The following HSPG2 variants were observed in gnomAD, a reference collection of about 807,000 sequenced individuals.
HSPG2 encodes heparan sulfate proteoglycan 2, also known as basement membrane-specific heparan sulfate proteoglycan core protein.
Under a neutral mutation model 526.6 loss-of-function variants are expected in HSPG2, and 278 were observed. That is an observed-to-expected ratio of 0.53 (90% confidence interval 0.48 to 0.58). The LOEUF is 0.58. Ranked by LOEUF, HSPG2 falls within the 20% of genes least tolerant of loss-of-function variation. The pLI, the probability that HSPG2 is intolerant of heterozygous loss-of-function variation, is 0.00. For missense variants in HSPG2, 5,354 were observed against 6,099.5 expected, an observed-to-expected ratio of 0.88 and a Z score of 4.07; for synonymous variants, 2,465 against 2,555.4, an observed-to-expected ratio of 0.96 and a Z score of 1.07.
Position 21,848,010 on chromosome 1 carries a change from G to C in HSPG2, c.7821C>G (p.Gly2607=), listed in dbSNP as rs1381638965. 4 of 1,613,386 alleles carry C rather than the reference G, an allele frequency of 2.5e-6. No individual in the cohort carries two copies. The highest frequency in any genetic ancestry group is 3.4e-6 in the Non-Finnish European group (4 of 1,179,990). The change falls in exon 60 of 97, where the codon GGC becomes GGG. Residue 2607 remains glycine (G), a synonymous_variant. Coordinates refer to ENST00000374695, the MANE Select transcript of HSPG2 (RefSeq NM_005529.7). The surrounding 1 kb of genome is among the most constrained non-coding windows in gnomAD (Gnocchi z 4.9). ...TGACGATGAGCGAGGTCTCCCGGGA[G>C]CCTGCACCGTTACTGACGTGACACA... ...EYVCHVSNGA[G]SRETSLIVTI...
rs60801691 is a variant in HSPG2 at position 21,853,751 on chromosome 1, AAAAATAAAATAAAATAAAATAAAAT to A, written c.6439+417_6439+441del. 103 of 148,424 alleles carry A rather than the reference AAAAATAAAATAAAATAAAATAAAAT, an allele frequency of 6.9e-4. 1 individual carries two copies. The highest frequency in any genetic ancestry group is 2.7e-3 in the African/African-American group (97 of 36,172). The allele number at this position is 148,424 out of a possible 1,614,324, so 9.2% of individuals were successfully genotyped here. On this transcript the variant is annotated intron_variant, in intron 50 of 96. Coordinates refer to ENST00000374695, the MANE Select transcript of HSPG2 (RefSeq NM_005529.7). ...GTGACAGAGCGAGACTCTCTCTCAA[AAAAATAAAATAAAATAAAATAAAAT>A]AAAATAAAATAAAATAAAATAATAA...
Position 21,824,181 on chromosome 1 carries a change from G to A in HSPG2, c.12839C>T (p.Ala4280Val). 1.2e-6 allele frequency: 2 copies of A among 1,613,698 alleles called. No individual in the cohort carries two copies. The highest frequency in any genetic ancestry group is 2.2e-5 in the East Asian group (1 of 44,866). ...VFRYQLGSGE[A>V]RLVSEDPIND... ...GATGGGGTCCTCAGAGACCAGGCGG[G>A]CCTCCCCACTACCCAGCTGGTACCT... is the stretch of plus-strand genomic sequence containing the variant. Residue 4280 changes from alanine (A) to valine (V), a missense_variant, in exon 95 of 97, where the codon GCC (alanine) becomes GTC (valine). By Grantham distance (64) the Ala-to-Val change is moderately conservative. Transcript: ENST00000374695. The surrounding 1 kb of genome is among the most constrained non-coding windows in gnomAD (Gnocchi z 5.9).
At position 21,874,434 on chromosome 1, in the gene HSPG2, G is replaced by A. The variant is rs1640890486; in HGVS notation, c.3628C>T (p.Pro1210Ser). The change falls in exon 28 of 97, where the codon CCC (proline) becomes TCC (serine). Residue 1210 changes from proline (P) to serine (S), a missense_variant. Coordinates refer to ENST00000374695, the MANE Select transcript of HSPG2 (RefSeq NM_005529.7). ...RGTPQDCQLC[P>S]CYGDPAAGQA... ...CCGGCAGCAGGGTCTCCGTAGCAGG[G>A]GCACAGCTGGCAGTCCTGTGGTGTC... 1 of 1,611,710 alleles carries A rather than the reference G, an allele frequency of 6.2e-7. No individual in the cohort carries two copies. The highest frequency in any genetic ancestry group is 8.5e-7 in the Non-Finnish European group (1 of 1,179,880).
chr1:21,832,549 T>C lies in HSPG2; in HGVS notation c.11153A>G (p.Asn3718Ser). Residue 3718 changes from asparagine (N) to serine (S), a missense_variant, in exon 81 of 97, where the codon AAC becomes AGC. By Grantham distance (46) the Asn-to-Ser change is conservative. Coordinates refer to ENST00000374695, the MANE Select transcript of HSPG2 (RefSeq NM_005529.7). The part of the protein sequence containing the change: ...RVPGSPTNLA[N>S]RQPDFISFGL... ...GAAGGAGATGAAGTCGGGCTGCCGG[T>C]TGGCCAGGTTGGTGGGGCTCCCTGG... 1 of 1,614,196 alleles carries C rather than the reference T, an allele frequency of 6.2e-7. No individual in the cohort carries two copies. The highest frequency in any genetic ancestry group is 8.5e-7 in the Non-Finnish European group (1 of 1,180,016).
rs575256789 is a variant in HSPG2, at chr1:21,884,706, G to A, written c.1508-32C>T. 2.2e-5 allele frequency: 35 copies of A among 1,610,396 alleles called. No homozygotes were observed. In the South Asian group the frequency reaches 2.4e-4, roughly 11 times the overall value. On this transcript the variant is annotated intron_variant, in intron 12 of 96. Coordinates refer to ENST00000374695, the MANE Select transcript of HSPG2 (RefSeq NM_005529.7). ...GGCGGCATGGGCGGGGGCTGCAGCC[G>A]GCTGTGGTGGGCAGCCCGGCTCTGC... is the stretch of plus-strand genomic sequence containing the variant.
At chr1:21,866,667 T>C (rs148580398) in intron 33 of HSPG2, among the ~76,000 whole-genome samples, 107 of 152,330 alleles carry the variant, frequency 7.0e-4, no homozygotes, top group Admixed American at 1.6e-3. Context: ...TGGGGAGTCC[T>C]TACTTCTGCT....
chr1:21,824,232 G>T lies in HSPG2; in HGVS notation c.12816-28C>A. 6.2e-7 allele frequency: 1 copy of T among 1,613,302 alleles called. No homozygotes were observed. The highest frequency in any genetic ancestry group is 1.3e-5 in the African/African-American group (1 of 75,054). On this transcript the variant is annotated intron_variant, in intron 94 of 96. Coordinates refer to ENST00000374695, the MANE Select transcript of HSPG2 (RefSeq NM_005529.7). The surrounding 1 kb of genome is among the most constrained non-coding windows in gnomAD (Gnocchi z 5.9). ...GCAGTCATCCAGGCCCAAGAAGTATGAGCTGGGGCAGGACCGGGGGGTGGG... is the reference window on the plus strand; with the variant it reads ...GCAGTCATCCAGGCCCAAGAAGTATTAGCTGGGGCAGGACCGGGGGGTGGG...
intron 1 of HSPG2, among the ~76,000 whole-genome samples, chr1:21,935,032 G>C (rs1459844106): frequency 6.6e-6 from 1 of 151,974 alleles, no homozygotes; most frequent in Non-Finnish European, 1.5e-5. Flanking sequence ...TCAGCCTCCC[G>C]AGTAGTTGGG....
At chr1:21,876,796 C>T (rs568425292) in intron 21 of HSPG2, 144 bp from the exon 22 acceptor site, 144 of 1,082,976 alleles carry the variant, frequency 1.3e-4, no homozygotes, top group South Asian at 8.7e-4. Flanking sequence ...CGGTGGCTCA[C>T]GCCTGTAATC....
intron 1 of HSPG2, among the ~76,000 whole-genome samples, chr1:21,926,200 A>G (rs1385143351): frequency 6.6e-6 from 1 of 152,122 alleles, no homozygotes; most frequent in Non-Finnish European, 1.5e-5. Context: ...GATTGCTGTG[A>G]GTATTATATG....
intron 13 of HSPG2, 97 bp from the exon 14 acceptor site, chr1:21,881,599 G>T: frequency 8.7e-7 from 1 of 1,155,156 alleles, no homozygotes; most frequent in Non-Finnish European, 1.2e-6. Flanking sequence ...GAAAGTTCTA[G>T]TGGAAATTTG....
At chr1:21,928,885 G>A (rs1644276424) in intron 1 of HSPG2, among the ~76,000 whole-genome samples, 1 of 151,992 alleles carries the variant, frequency 6.6e-6, no homozygotes, top group Non-Finnish European at 1.5e-5. Context: ...TGAGTAGCTG[G>A]GATTACAGGC....
At chr1:21,841,742 C>G (rs2152705756) in intron 69 of HSPG2, 69 bp from the exon 70 acceptor site, 2 of 1,589,208 alleles carry the variant, frequency 1.3e-6, no homozygotes, top group East Asian at 4.5e-5. Flanking sequence ...GTGCTGCCAG[C>G]CTGTGCCCCT....
In HSPG2 at chr1:21,865,809, C is replaced by T. The variant is rs781066166; in HGVS notation, c.4222G>A (p.Val1408Met). The stretch of plus-strand genomic sequence containing the variant: ...CGCAACTTCCCACCGTAGGCCGCCA[C>T]CTGCAAAGAGGCAAGCCCAGAGGTC... ...QLPETYQGDK[V>M]AAYGGKLRYT... Residue 1408 changes from valine (V) to methionine (M), a missense_variant and splice_region_variant, in exon 34 of 97, where the codon GTG (valine) becomes ATG (methionine). Coordinates refer to ENST00000374695, the MANE Select transcript of HSPG2 (RefSeq NM_005529.7). The surrounding 1 kb of genome is among the most constrained non-coding windows in gnomAD (Gnocchi z 5.4). The T allele has an allele frequency of 1.2e-6, 2 of 1,613,188 alleles. No individual in the cohort carries two copies. Among genetic ancestry groups the T allele is most frequent in the Non-Finnish European group, 1.7e-6 (2 of 1,179,556 alleles).
chr1:21,924,944 CCT>C (rs1644145270), intron 1 of HSPG2, among the ~76,000 whole-genome samples: 1 of 152,160 alleles, frequency 6.6e-6, no homozygotes, highest in African/African-American at 2.4e-5. Context: ...TTTTCCTTCC[CCT>C]GACACTCTGC....
rs2097991189 is a variant in HSPG2, at chr1:21,829,246, CAG to C, written c.11992+135_11992+136del. On this transcript the variant is annotated intron_variant, in intron 87 of 96. Transcript: ENST00000374695. ...GGCTAGGGATTGGCCTCAAGTGACA[CAG>C]AGACGAAATGCACAGGAAGAGGGGA... 15 of 1,353,090 alleles carry C rather than the reference CAG, an allele frequency of 1.1e-5. No homozygotes were observed. In the South Asian group the frequency reaches 1.5e-4, roughly 13 times the overall value. 83.8% of individuals were successfully genotyped at this position (1,353,090 alleles called of 1,614,324 possible).
intron 76 of HSPG2, chr1:21,835,223 A>C (rs2152697518): frequency 3.3e-6 from 2 of 601,500 alleles, no homozygotes; most frequent in Non-Finnish European, 6.0e-6. Context: ...TCATGCGCTC[A>C]AGCAATGCTC....
chr1:21,873,510 A>G, intron 29 of HSPG2, 86 bp from the exon 30 acceptor site: 9 of 1,242,136 alleles, frequency 7.2e-6, no homozygotes, highest in Non-Finnish European at 1.1e-5. Flanking sequence ...ATTGAATTCA[A>G]TGGCCTCATG....
At position 21,887,131 on chromosome 1, in the gene HSPG2, G is replaced by GGGCGGGGCAGGAGAGGAA; in HGVS notation, c.1078+83_1078+84insTTCCTCTCCTGCCCCGCC. ...GGGGGAAAGCGGAGGGGCAGGGTAG[G>GGGCGGGGCAGGAGAGGAA]GGCGGGGCAGGAGTGGAAGGCGGGG... On this transcript the variant is annotated intron_variant, in intron 9 of 96. Coordinates refer to ENST00000374695, the MANE Select transcript of HSPG2 (RefSeq NM_005529.7). This position sits in a 1 kb window ranked among gnomAD's most constrained non-coding sequence, Gnocchi z 5.0. 1 of 1,429,942 alleles carries GGGCGGGGCAGGAGAGGAA rather than the reference G, an allele frequency of 7.0e-7. No individual in the cohort carries two copies. The highest frequency in any genetic ancestry group is 1.2e-5 in the South Asian group (1 of 82,546). 88.6% of individuals were successfully genotyped at this position (1,429,942 alleles called of 1,614,324 possible).
Sources: gnomAD v4.1 joint callset for allele counts (sites outside exome capture counted in the v4.1 genomes callset) on GRCh38, gnomAD v4.1.1 for gene constraint, Gnocchi (gnomAD v3.1) non-coding constraint, MANE v1.5 for transcripts, NCBI Gene and HGNC (gene_info 2026-07-23, HGNC 2026-07-21) for gene names.